TNFSF10: variants seen among roughly 807,000 people sequenced by gnomAD.
The protein encoded by TNFSF10 is tumor necrosis factor ligand superfamily member 10.
TNFSF10 carries 13 observed loss-of-function variants against 29.5 expected under a neutral mutation model. The observed-to-expected ratio is 0.44, with a 90% CI of 0.29 to 0.70. The LOEUF is 0.70. Ranked by LOEUF, TNFSF10 falls within the 30% of genes least tolerant of loss-of-function variation. TNFSF10 has a pLI of 0.13. For missense variants in TNFSF10, 345 were observed against 330.9 expected, an observed-to-expected ratio of 1.04 and a Z score of -0.33; for synonymous variants, 111 against 112.8, an observed-to-expected ratio of 0.98 and a Z score of 0.10.
At chr3:172,516,414 ATCATT>A (rs1399000504) in intron 1 of TNFSF10, among the ~76,000 whole-genome samples, 1 of 152,220 alleles carries the variant, frequency 6.6e-6, no homozygotes, top group East Asian at 1.9e-4. Flanking sequence ...GAAAGACAAT[ATCATT>A]TTAAATCAAA....
In TNFSF10 at chr3:172,506,634, G is replaced by T. The variant is rs1712995264; in HGVS notation, c.704C>A (p.Ala235Glu). ...ATAGATGGAATAGAGTCCATATTCT[G>T]CATCTTTAGACCAACAACTATTTCT... ...SARNSCWSKD[A>E]EYGLYSIYQG... The change falls in exon 5 of 5, where the codon GCA (alanine) becomes GAA (glutamate). Residue 235 changes from alanine (A) to glutamate (E), a missense_variant. Physicochemically the swap from Ala to Glu is moderately radical, Grantham distance 107 (BLOSUM62 -1). Transcript: ENST00000241261. 1 of 1,614,134 alleles carries T rather than the reference G, an allele frequency of 6.2e-7. No individual in the cohort carries two copies. Among genetic ancestry groups the T allele is most frequent in the Non-Finnish European group, 8.5e-7 (1 of 1,180,026 alleles).
rs779968194 is a variant in TNFSF10 at position 172,506,812 on chromosome 3, T to C, written c.526A>G (p.Ile176Val). 134 of 1,614,082 alleles carry C rather than the reference T, an allele frequency of 8.3e-5. No homozygotes were observed. Among genetic ancestry groups the C allele is most frequent in the Admixed American group, 2.3e-4 (14 of 60,000 alleles). Reference protein sequence around the residue: ...NLHLRNGELVIHEKGFYYIYS... With the variant: ...NLHLRNGELVVHEKGFYYIYS... Reference sequence around the variant, plus strand: ...ATGTAGTAAAACCCTTTTTCATGGATGACCAGTTCACCATTCCTCAAGTGC... The same window carrying C: ...ATGTAGTAAAACCCTTTTTCATGGACGACCAGTTCACCATTCCTCAAGTGC... The change falls in exon 5 of 5, where the codon ATC becomes GTC. Residue 176 changes from isoleucine (I) to valine (V), a missense_variant. Transcript: ENST00000241261.
In TNFSF10 at chr3:172,506,454, A is replaced by G; in HGVS notation, c.*38T>C. 6.5e-7 allele frequency: 1 copy of G among 1,544,064 alleles called. No homozygotes were observed. On this transcript the variant is annotated 3_prime_UTR_variant, in exon 5 of 5. Transcript: ENST00000241261. ...TAGTGTATCATCCTGAAAACTGAAT[A>G]GTCACTTTGAGGTTATTGCTTTTTC... is the stretch of plus-strand genomic sequence containing the variant.
intron 1 of TNFSF10, chr3:172,518,370 G>A (rs1713530232): frequency 7.8e-7 from 1 of 1,287,034 alleles, no homozygotes. Flanking sequence ...GGGGCTTGAG[G>A]TCAGCAGGGT....
chr3:172,510,884 G>T (rs1434158755), intron 3 of TNFSF10, among the ~76,000 whole-genome samples: 1 of 151,950 alleles, frequency 6.6e-6, no homozygotes, highest in African/African-American at 2.4e-5. Flanking sequence ...AAGAATAACA[G>T]ATTTAAAAAA....
chr3:172,520,365 C>T (rs1452718280), intron 1 of TNFSF10, among the ~76,000 whole-genome samples: 3 of 152,198 alleles, frequency 2.0e-5, no homozygotes, highest in Non-Finnish European at 4.4e-5. Context: ...TTCTTTATTA[C>T]AGATTTTACC....
chr3:172,522,526 T>G (rs1369694273), intron 1 of TNFSF10: 3 of 693,034 alleles, frequency 4.3e-6, no homozygotes, highest in Non-Finnish European at 7.5e-6. Context: ...AAAGGAAAAC[T>G]GAACCAACGG....
chr3:172,507,893 A>T (rs1475308894), intron 4 of TNFSF10, among the ~76,000 whole-genome samples: 1 of 152,248 alleles, frequency 6.6e-6, no homozygotes, highest in Non-Finnish European at 1.5e-5. Context: ...GAGGACATAC[A>T]ATAGACCAGA....
intron 1 of TNFSF10, chr3:172,522,515 A>G (rs1713743442): frequency 2.4e-6 from 2 of 846,676 alleles, no homozygotes; most frequent in Non-Finnish European, 1.9e-6. Flanking sequence ...CATTGGACTC[A>G]AAAGGAAAAC....
rs1201561459 is a variant in TNFSF10 at position 172,509,274 on chromosome 3, T to C, written c.361A>G (p.Arg121Gly). The change falls in exon 4 of 5, where the codon AGA becomes GGA. Residue 121 changes from arginine to glycine, a missense_variant. Transcript: ENST00000241261. ...SPLVRERGPQ[R>G]VAAHITGTRG... is the part of the protein sequence containing the mutation. ...GTCCCAGTTATGTGAGCTGCTACTC[T>C]CTGAGGACCTCTTTCTCTCACTAGG... is the stretch of plus-strand genomic sequence containing the variant. The C allele has an allele frequency of 1.2e-6, 2 of 1,613,854 alleles. No homozygotes were observed. Among genetic ancestry groups the C allele is most frequent in the African/African-American group, 1.3e-5 (1 of 74,952 alleles).
intron 2 of TNFSF10, among the ~76,000 whole-genome samples, chr3:172,513,415 C>A (rs758687179): frequency 6.6e-6 from 1 of 152,226 alleles, no homozygotes; most frequent in Non-Finnish European, 1.5e-5. Context: ...CACTTGCTGT[C>A]ATTTGCAGTG....
chr3:172,508,176 T>C (rs906566187), intron 4 of TNFSF10, among the ~76,000 whole-genome samples: 3 of 151,878 alleles, frequency 2.0e-5, no homozygotes, highest in Non-Finnish European at 2.9e-5. Context: ...ATGCTTGTAA[T>C]CCCAGCTACT....
At chr3:172,517,683 C>T (rs1713492739) in intron 1 of TNFSF10, 3 of 985,204 alleles carry the variant, frequency 3.0e-6, no homozygotes, top group Non-Finnish European at 3.6e-6. Context: ...GTTGTTTTCT[C>T]ATAAGACTAT....
At chr3:172,513,875 G>A (rs944593535) in intron 2 of TNFSF10, among the ~76,000 whole-genome samples, 24 of 148,506 alleles carry the variant, frequency 1.6e-4, no homozygotes, top group African/African-American at 5.7e-4. Flanking sequence ...GTCTTGCTCT[G>A]TTGCCCAGGC....
intron 1 of TNFSF10, among the ~76,000 whole-genome samples, chr3:172,516,348 G>A (rs1266538611): frequency 1.3e-5 from 2 of 152,038 alleles, no homozygotes; most frequent in Admixed American, 6.6e-5. Flanking sequence ...TTGAACTAAG[G>A]TACTGCAAAG....
intron 1 of TNFSF10, among the ~76,000 whole-genome samples, chr3:172,516,243 A>G (rs753715895): frequency 1.4e-3 from 211 of 150,532 alleles, no homozygotes; most frequent in Non-Finnish European, 2.7e-3. Flanking sequence ...TAGCCTGGGC[A>G]ACAGAGCGAG....
At chr3:172,507,937 T>C (rs1160313514) in intron 4 of TNFSF10, among the ~76,000 whole-genome samples, 2 of 152,248 alleles carry the variant, frequency 1.3e-5, no homozygotes, top group Non-Finnish European at 2.9e-5. Flanking sequence ...AAGATTTGTC[T>C]CATCTTTGCA....
chr3:172,512,048 ATG>A (rs369852605), intron 2 of TNFSF10, among the ~76,000 whole-genome samples: 22 of 151,942 alleles, frequency 1.4e-4, no homozygotes, highest in Non-Finnish European at 2.6e-4. Context: ...GTGCACATTC[ATG>A]TGTGTGTGTG....
chr3:172,512,048 A>G (rs140800045), intron 2 of TNFSF10, among the ~76,000 whole-genome samples: 1 of 152,068 alleles, frequency 6.6e-6, no homozygotes, highest in African/African-American at 2.4e-5. Flanking sequence ...GTGCACATTC[A>G]TGTGTGTGTG....
Sources: allele counts gnomAD v4.1 joint callset (sites outside exome capture counted in the v4.1 genomes callset), GRCh38; gene constraint gnomAD v4.1.1; transcripts MANE v1.5; gene names NCBI Gene and HGNC (gene_info 2026-07-23, HGNC 2026-07-21).